CCDC136: variants seen among roughly 807,000 people sequenced by gnomAD.
CCDC136 encodes the protein coiled-coil domain-containing protein 136.
CCDC136 carries 100 observed loss-of-function variants against 141.2 expected under a neutral mutation model. That is an observed-to-expected ratio of 0.71 (90% CI 0.60 to 0.84). CCDC136 has a LOEUF of 0.84. Ranked by LOEUF, CCDC136 falls within the 40% of genes least tolerant of loss-of-function variation. The pLI is 0.00. For synonymous variants in CCDC136, 474 were observed against 531.9 expected (o/e 0.89, Z 1.50); for missense variants, 1,206 against 1,379.4 (o/e 0.87, Z 1.99).
At position 128,794,388 on chromosome 7, in the gene CCDC136, A is replaced by AGAGGAAGAGGAGGAAGAAGAGGTG; in HGVS notation, c.60_83dup (p.Glu25_Glu32dup). 1 of 1,554,750 alleles carries AGAGGAAGAGGAGGAAGAAGAGGTG rather than the reference A, an allele frequency of 6.4e-7. No individual in the cohort carries two copies. Among genetic ancestry groups the AGAGGAAGAGGAGGAAGAAGAGGTG allele is most frequent in the Non-Finnish European group, 8.7e-7 (1 of 1,148,470 alleles). On this transcript the variant is annotated inframe_insertion, in exon 2 of 18. Transcript: ENST00000297788. The surrounding 1 kb of genome is among the most constrained non-coding windows in gnomAD (Gnocchi z 4.3). ...CAGCTCTCTATGAGGAGGAAGAGGA[A>AGAGGAAGAGGAGGAAGAAGAGGTG]GAGGAAGAGGAGGAAGAAGAGGTGG...
At chr7:128,818,139 C>A in intron 17 of CCDC136, 1 of 391,228 alleles carries the variant, frequency 2.6e-6, no homozygotes, top group Non-Finnish European at 4.6e-6. Flanking sequence ...TTGGATAAGC[C>A]CAGCTTGGTT....
chr7:128,807,292 G>T lies in CCDC136; in HGVS notation c.1420-68G>T, dbSNP rs1350674670. On this transcript the variant is annotated intron_variant, in intron 9 of 17. Coordinates refer to ENST00000297788, the MANE Select transcript of CCDC136 (RefSeq NM_022742.5). Reference sequence around the variant, plus strand: ...GGGAAGATGGGTCCCCTTAGTCCCCGCCTGGGAGGAGAGAGTCCAGCAGCA... The same window carrying T: ...GGGAAGATGGGTCCCCTTAGTCCCCTCCTGGGAGGAGAGAGTCCAGCAGCA... 1.1e-5 allele frequency: 13 copies of T among 1,234,518 alleles called. No homozygotes were observed. In the South Asian group the frequency reaches 2.4e-4, roughly 23 times the overall value. 76.5% of individuals were successfully genotyped at this position (1,234,518 alleles called of 1,614,324 possible).
intron 10 of CCDC136, chr7:128,808,430 G>A (rs1176850462): frequency 1.1e-6 from 1 of 947,148 alleles, no homozygotes; most frequent in East Asian, 1.2e-4. Context: ...AATCCTGGTA[G>A]TGATAAATAA....
chr7:128,802,509 A>G (rs1284466328), intron 4 of CCDC136, among the ~76,000 whole-genome samples: 1 of 152,096 alleles, frequency 6.6e-6, no homozygotes, highest in East Asian at 1.9e-4. Flanking sequence ...AGCAGGATGA[A>G]CGTAGGAGGT....
chr7:128,793,233 C>A (rs959504654), intron 1 of CCDC136, among the ~76,000 whole-genome samples: 3 of 152,210 alleles, frequency 2.0e-5, no homozygotes, highest in African/African-American at 7.2e-5. Flanking sequence ...CGGGTGCTCA[C>A]AACCAGAGGC....
intron 4 of CCDC136, among the ~76,000 whole-genome samples, chr7:128,801,734 C>T (rs1240880441): frequency 2.0e-5 from 3 of 152,126 alleles, no homozygotes; most frequent in African/African-American, 4.8e-5. Context: ...CATTCATGAG[C>T]AGCCTGGGCA....
intron 10 of CCDC136, chr7:128,808,873 T>G: frequency 1.0e-6 from 1 of 985,432 alleles, no homozygotes; most frequent in Non-Finnish European, 1.2e-6. Flanking sequence ...AAAACAGCAT[T>G]GAGATCTGTC....
chr7:128,799,158 C>T (rs1027593332), intron 3 of CCDC136, among the ~76,000 whole-genome samples: 1 of 142,108 alleles, frequency 7.0e-6, no homozygotes, highest in African/African-American at 2.7e-5. Flanking sequence ...AGAAAGAGAC[C>T]CCCATCTCTA....
intron 11 of CCDC136, 130 bp from the exon 12 acceptor site, chr7:128,810,009 T>C: frequency 1.6e-6 from 1 of 632,586 alleles, no homozygotes; most frequent in South Asian, 2.0e-5. Context: ...CGTCCCCAGA[T>C]GGGCTCTGTG....
chr7:128,792,092 C>A lies in CCDC136; in HGVS notation c.-320C>A. ...CGCACACCCCCTCTTTCTTTCTGTG[C>A]AAGCAAGAGGGTCCTGGAACAGCGG... On this transcript the variant is annotated 5_prime_UTR_variant, in exon 1 of 18. Coordinates refer to ENST00000297788, the MANE Select transcript of CCDC136 (RefSeq NM_022742.5). The A allele has an allele frequency of 7.3e-7, 1 of 1,366,224 alleles. No homozygotes were observed. Among genetic ancestry groups the A allele is most frequent in the South Asian group, 1.6e-5 (1 of 60,932 alleles). 84.6% of individuals were successfully genotyped at this position (1,366,224 alleles called of 1,614,324 possible).
At chr7:128,810,516 A>G in intron 12 of CCDC136, 150 bp downstream of exon 12, 1 of 620,018 alleles carries the variant, frequency 1.6e-6, no homozygotes, top group Non-Finnish European at 2.8e-6. Context: ...AGCTGTGACC[A>G]CTCACAGGCT....
chr7:128,800,458 CTTT>C (rs67467689), intron 3 of CCDC136, among the ~76,000 whole-genome samples: 15 of 137,676 alleles, frequency 1.1e-4, no homozygotes, highest in Non-Finnish European at 1.4e-4. Context: ...ACCTGGCTTT[CTTT>C]TTTTTTTTTT....
chr7:128,814,951 G>C (rs376750889), intron 15 of CCDC136, 32 bp downstream of exon 15: 2 of 1,514,808 alleles, frequency 1.3e-6, no homozygotes, highest in African/African-American at 2.8e-5. Context: ...CAGATAAGCA[G>C]AAAGGAGGAG....
At chr7:128,807,998 T>TA (rs1483480418) in intron 10 of CCDC136, among the ~76,000 whole-genome samples, 2 of 152,224 alleles carry the variant, frequency 1.3e-5, no homozygotes, top group African/African-American at 4.8e-5. Flanking sequence ...GAGAAGGACC[T>TA]AGGCTCTTCT....
rs1215898694 is a variant in CCDC136 at position 128,794,331 on chromosome 7, A to G, written c.17-17A>G. On this transcript the variant is annotated splice_polypyrimidine_tract_variant and intron_variant, in intron 1 of 17. Coordinates refer to ENST00000297788, the MANE Select transcript of CCDC136 (RefSeq NM_022742.5). This position sits in a 1 kb window ranked among gnomAD's most constrained non-coding sequence, Gnocchi z 4.3. ...AAGTTGATGCTGACTCCTTGGTGGG[A>G]TGGCTGTGTCTCCTAGGGGAGGTGT... The G allele has an allele frequency of 1.3e-6, 2 of 1,551,808 alleles. No homozygotes were observed. Among genetic ancestry groups the G allele is most frequent in the Admixed American group, 3.9e-5 (2 of 50,982 alleles).
chr7:128,819,489 C>G (rs940811793), intron 17 of CCDC136, among the ~76,000 whole-genome samples: 5 of 152,136 alleles, frequency 3.3e-5, no homozygotes, highest in African/African-American at 1.2e-4. Flanking sequence ...TTGTCAGGAC[C>G]AGATGGGTTG....
At chr7:128,799,197 A>AAAAT (rs1162924208) in intron 3 of CCDC136, among the ~76,000 whole-genome samples, 1 of 138,440 alleles carries the variant, frequency 7.2e-6, no homozygotes, top group African/African-American at 2.8e-5. Context: ...AAAAAAAAAA[A>AAAAT]GCAGGGCATG....
Position 128,809,437 on chromosome 7 carries a change from C to A in CCDC136, c.1606-13C>A. The A allele has an allele frequency of 6.7e-7, 1 of 1,492,790 alleles. No homozygotes were observed. The highest frequency in any genetic ancestry group is 9.1e-7 in the Non-Finnish European group (1 of 1,098,910). 92.5% of individuals were successfully genotyped at this position (1,492,790 alleles called of 1,614,324 possible). A position where few individuals can be genotyped will look rare whatever the true frequency, so the allele number is the denominator to read the frequency against. On this transcript the variant is annotated splice_polypyrimidine_tract_variant and intron_variant, in intron 10 of 17. Coordinates refer to ENST00000297788, the MANE Select transcript of CCDC136 (RefSeq NM_022742.5). ...AGAGTAACCACCCCCTCCACACCCGCCCCCACCCACAGTGTGACACACTGC... is the reference window on the plus strand; with the variant it reads ...AGAGTAACCACCCCCTCCACACCCGACCCCACCCACAGTGTGACACACTGC...
chr7:128,809,499 C>G lies in CCDC136; in HGVS notation c.1655C>G (p.Ala552Gly). The change falls in exon 11 of 18, where the codon GCC (alanine) becomes GGC (glycine). Residue 552 changes from alanine to glycine, a missense_variant. By Grantham distance (60) the Ala-to-Gly change is moderately conservative. Transcript: ENST00000297788. ...ACAGAATTGCAGGAAAAGTACAAGG[C>G]CAGCCAGAAGGAGATGGGGCAGCTG... ...RLTELQEKYKASQKEMGQLQM... is the reference protein window; with the variant it reads ...RLTELQEKYKGSQKEMGQLQM... 1 of 1,550,266 alleles carries G rather than the reference C, an allele frequency of 6.5e-7. No homozygotes were observed. Among genetic ancestry groups the G allele is most frequent in the Non-Finnish European group, 8.7e-7 (1 of 1,147,424 alleles).
Sources: allele counts gnomAD v4.1 joint callset (sites outside exome capture counted in the v4.1 genomes callset), GRCh38; gene constraint gnomAD v4.1.1; non-coding constraint Gnocchi (gnomAD v3.1); transcripts MANE v1.5; gene names NCBI Gene and HGNC (gene_info 2026-07-23, HGNC 2026-07-21).